ZNF354C: variants seen among roughly 807,000 people sequenced by gnomAD.
ZNF354C encodes zinc finger protein 354C.
In ZNF354C, 7 loss-of-function variants were observed where a neutral mutation model predicts 12.4. That is an observed-to-expected ratio of 0.56 (90% CI 0.32 to 1.06). ZNF354C has a LOEUF of 1.06. ZNF354C is among the 50% of genes least tolerant of loss of function. ZNF354C has a pLI of 0.04. For missense variants in ZNF354C, 609 were observed against 658.0 expected (o/e 0.93, Z 0.81); for synonymous variants, 202 against 224.5 (o/e 0.90, Z 0.90).
At chr5:179,070,150 C>T (rs1762029218) in intron 2 of ZNF354C, among the ~76,000 whole-genome samples, 1 of 152,204 alleles carries the variant, frequency 6.6e-6, no homozygotes, top group Non-Finnish European at 1.5e-5. Context: ...CATTAGATTT[C>T]ATAGGAACAT....
chr5:179,070,183 C>A (rs1281651224), intron 2 of ZNF354C, among the ~76,000 whole-genome samples: 1 of 152,140 alleles, frequency 6.6e-6, no homozygotes, highest in African/African-American at 2.4e-5. Context: ...GAACTGCGCA[C>A]GTGAGGGGCC....
chr5:179,076,698 G>C, intron 3 of ZNF354C, 127 bp downstream of exon 3: 2 of 1,220,182 alleles, frequency 1.6e-6, no homozygotes, highest in Non-Finnish European at 2.3e-6. Flanking sequence ...CTGTAGAGTG[G>C]AAAGTGTACA....
chr5:179,074,164 G>GTAGAGAT (rs1762083722), intron 2 of ZNF354C, among the ~76,000 whole-genome samples: 1 of 151,944 alleles, frequency 6.6e-6, no homozygotes. Context: ...TGTATTTTTA[G>GTAGAGAT]TAGAGATGGG....
chr5:179,062,022 G>A lies in ZNF354C; in HGVS notation c.-47G>A, dbSNP rs185699314. On this transcript the variant is annotated 5_prime_UTR_variant, in exon 2 of 5. In the 5' UTR this introduces an upstream ATG that the reference lacks. Transcript: ENST00000315475. ...CACCTTTTTCCTCTGCAGACCCACC[G>A]TGTCCACACTCTGCTCTCCCTGGGC... The A allele has an allele frequency of 1.2e-6, 2 of 1,611,198 alleles. No individual in the cohort carries two copies. Among genetic ancestry groups the A allele is most frequent in the Middle Eastern group, 1.7e-4 (1 of 6,040 alleles).
chr5:179,080,131 G>C lies in ZNF354C; in HGVS notation c.*34G>C. 1.4e-6 allele frequency: 2 copies of C among 1,407,274 alleles called. No homozygotes were observed. The highest frequency in any genetic ancestry group is 1.9e-6 in the Non-Finnish European group (2 of 1,038,256). 87.2% of individuals were successfully genotyped at this position (1,407,274 alleles called of 1,614,324 possible). ...TCAAATAATCCAAGACTTCTCACTG[G>C]GGAATAAGGGAATAATAAATAGGGT... is the stretch of plus-strand genomic sequence containing the variant. On this transcript the variant is annotated 3_prime_UTR_variant, in exon 5 of 5. Transcript: ENST00000315475.
chr5:179,061,658 C>A (rs558439704), intron 1 of ZNF354C, among the ~76,000 whole-genome samples: 9 of 152,064 alleles, frequency 5.9e-5, no homozygotes, highest in African/African-American at 1.9e-4. Context: ...GCAGGGCAGG[C>A]AGGATGAGGA....
At position 179,081,205 on chromosome 5, in the gene ZNF354C, C is replaced by CT. The variant is rs1338161719; in HGVS notation, c.*1114dup. 3 of 152,182 alleles carry CT rather than the reference C, an allele frequency of 2.0e-5. No individual in the cohort carries two copies. Among genetic ancestry groups the CT allele is most frequent in the African/African-American group, 7.2e-5 (3 of 41,546 alleles). 9.4% of individuals were successfully genotyped at this position (152,182 alleles called of 1,614,324 possible). ...TTAATAATTGACTCACAACTATATTCTTTTTTCTTATGAGTCCCTAATTAT... is the reference window on the plus strand; with the variant it reads ...TTAATAATTGACTCACAACTATATTCTTTTTTTCTTATGAGTCCCTAATTAT... On this transcript the variant is annotated 3_prime_UTR_variant, in exon 5 of 5. Transcript: ENST00000315475.
chr5:179,069,876 A>T (rs984136201), intron 2 of ZNF354C, among the ~76,000 whole-genome samples: 1 of 152,180 alleles, frequency 6.6e-6, no homozygotes, highest in African/African-American at 2.4e-5. Context: ...AAAAACAAAC[A>T]AACAAAAAAA....
At chr5:179,067,175 G>A (rs1199331757) in intron 2 of ZNF354C, among the ~76,000 whole-genome samples, 1 of 152,180 alleles carries the variant, frequency 6.6e-6, no homozygotes, top group East Asian at 1.9e-4. Flanking sequence ...GAGATTTAAA[G>A]ACTAAAGGCT....
Position 179,079,181 on chromosome 5 carries a change from A to C in ZNF354C, c.749A>C (p.Glu250Ala). Residue 250 changes from glutamate (E) to alanine (A), a missense_variant, in exon 5 of 5, where the codon GAA (glutamate) becomes GCA (alanine). Glu to Ala is a moderately radical substitution (Grantham distance 107). Coordinates refer to ENST00000315475, the MANE Select transcript of ZNF354C (RefSeq NM_014594.3). The surrounding 1 kb of genome is among the most constrained non-coding windows in gnomAD (Gnocchi z 4.2). ...GEKPYKCNEC[E>A]KTFSHRSSLL... ...AAACCCTACAAATGTAATGAGTGTGAAAAAACCTTCAGCCACAGATCATCC... is the reference window on the plus strand; with the variant it reads ...AAACCCTACAAATGTAATGAGTGTGCAAAAACCTTCAGCCACAGATCATCC... 1 of 1,613,710 alleles carries C rather than the reference A, an allele frequency of 6.2e-7. No homozygotes were observed. The highest frequency in any genetic ancestry group is 8.5e-7 in the Non-Finnish European group (1 of 1,179,916).
rs1384277436 is a variant in ZNF354C at position 179,079,701 on chromosome 5, G to C, written c.1269G>C (p.Gln423His). ...ACGAATGTGAGAAAGCCTTCAACCA[G>C]TATTCATCCTTTAATGAACATCGGA... is the stretch of plus-strand genomic sequence containing the variant. ...QCNECEKAFN[Q>H]YSSFNEHRKI... The change falls in exon 5 of 5, where the codon CAG (glutamine) becomes CAC (histidine). Residue 423 changes from glutamine (Q) to histidine (H), a missense_variant. Physicochemically the swap from Gln to His is conservative, Grantham distance 24. Coordinates refer to ENST00000315475, the MANE Select transcript of ZNF354C (RefSeq NM_014594.3). This position sits in a 1 kb window ranked among gnomAD's most constrained non-coding sequence, Gnocchi z 4.2. 2.5e-6 allele frequency: 4 copies of C among 1,614,156 alleles called. No individual in the cohort carries two copies. Among genetic ancestry groups the C allele is most frequent in the Non-Finnish European group, 3.4e-6 (4 of 1,180,034 alleles).
intron 2 of ZNF354C, among the ~76,000 whole-genome samples, chr5:179,067,762 C>A (rs189251417): frequency 6.6e-6 from 1 of 152,020 alleles, no homozygotes; most frequent in East Asian, 1.9e-4. Context: ...GCAGGAGAAT[C>A]GCTTGAACCT....
At chr5:179,064,016 C>T (rs1761928007) in intron 2 of ZNF354C, among the ~76,000 whole-genome samples, 1 of 152,208 alleles carries the variant, frequency 6.6e-6, no homozygotes, top group South Asian at 2.1e-4. Flanking sequence ...CAGCAAAATG[C>T]AGTGCACAGG....
intron 2 of ZNF354C, among the ~76,000 whole-genome samples, chr5:179,067,497 C>A (rs572518308): frequency 1.3e-5 from 2 of 152,158 alleles, no homozygotes; most frequent in Non-Finnish European, 2.9e-5. Flanking sequence ...TCACATTATA[C>A]AAAGAGCACG....
intron 2 of ZNF354C, among the ~76,000 whole-genome samples, chr5:179,069,691 C>A (rs965934470): frequency 6.6e-6 from 1 of 151,788 alleles, no homozygotes; most frequent in Admixed American, 6.6e-5. Context: ...TGGCGAAACC[C>A]CGTCTCTACT....
Position 179,064,834 on chromosome 5 carries a change from T to TA in ZNF354C, c.27+2740dup, listed in dbSNP as rs369157094. The stretch of plus-strand genomic sequence containing the variant: ...TATCACATTCTGTCCTCATTAAGGG[T>TA]ACCGAGGGAGAAATTTCTCTCTACT... On this transcript the variant is annotated intron_variant, in intron 2 of 4. Coordinates refer to ENST00000315475, the MANE Select transcript of ZNF354C (RefSeq NM_014594.3). 4.1e-4 allele frequency among the ~76,000 whole-genome samples: 63 copies of TA among 152,214 alleles called. No individual in the cohort carries two copies. The East Asian group carries it at 5.2e-3, about 13-fold the overall frequency.
intron 2 of ZNF354C, among the ~76,000 whole-genome samples, chr5:179,068,954 C>G (rs146844174): frequency 0.025 from 3,874 of 152,350 alleles, 64 homozygotes; most frequent in Middle Eastern, 0.058. Flanking sequence ...TCCTGATCTC[C>G]CCTTCTTAGA....
intron 2 of ZNF354C, among the ~76,000 whole-genome samples, chr5:179,068,535 GAA>G (rs983204049): frequency 2.0e-5 from 3 of 151,932 alleles, no homozygotes; most frequent in South Asian, 2.1e-4. Context: ...ATTTTTTTCT[GAA>G]GTTTAATTTG....
At chr5:179,069,636 C>T (rs7378609) in intron 2 of ZNF354C, among the ~76,000 whole-genome samples, 6 of 150,644 alleles carry the variant, frequency 4.0e-5, no homozygotes, top group African/African-American at 9.8e-5. Context: ...GAGGCCGAGG[C>T]GGGTGGCTCA....
Sources: gnomAD v4.1 joint callset for allele counts (sites outside exome capture counted in the v4.1 genomes callset) on GRCh38, gnomAD v4.1.1 for gene constraint, Gnocchi (gnomAD v3.1) non-coding constraint, MANE v1.5 for transcripts, NCBI Gene and HGNC (gene_info 2026-07-23, HGNC 2026-07-21) for gene names.